FAM135B: variants seen among roughly 807,000 people sequenced by gnomAD.
FAM135B encodes the protein protein FAM135B.
A neutral mutation model predicts 127.7 loss-of-function variants in FAM135B; 43 were observed. That is an observed-to-expected ratio of 0.34 (90% CI 0.26 to 0.43). The LOEUF (loss-of-function observed/expected upper bound fraction) is 0.43, where lower values mean the gene tolerates loss of function less well. Ranked by LOEUF, FAM135B falls within the 20% of genes least tolerant of loss-of-function variation. The probability of loss-of-function intolerance (pLI) is 1.00; values close to 1 mark genes in which losing one functional copy is unlikely to be tolerated. For missense variants in FAM135B, 1,558 were observed against 1,725.6 expected (o/e 0.90, Z 1.72); for synonymous variants, 670 against 665.1 (o/e 1.01, Z -0.11).
At chr8:138,250,723 C>T (rs1427333095) in intron 6 of FAM135B, 118 bp downstream of exon 6, 19 of 1,138,382 alleles carry the variant, frequency 1.7e-5, no homozygotes, top group South Asian at 1.0e-4. Flanking sequence ...CTTAAACCTG[C>T]AGCCTTAGAG....
intron 1 of FAM135B, among the ~76,000 whole-genome samples, chr8:138,376,591 T>A (rs1387568855): frequency 6.6e-6 from 1 of 152,222 alleles, no homozygotes; most frequent in African/African-American, 2.4e-5. Context: ...CCAGGCACAA[T>A]GCTTTATCCT....
intron 7 of FAM135B, among the ~76,000 whole-genome samples, chr8:138,214,814 T>C (rs1818424683): frequency 6.6e-6 from 1 of 152,162 alleles, no homozygotes; most frequent in African/African-American, 2.4e-5. Flanking sequence ...GTCATGATGA[T>C]GCATGTAAGA....
At chr8:138,205,025 T>C (rs961950869) in intron 7 of FAM135B, among the ~76,000 whole-genome samples, 2 of 152,228 alleles carry the variant, frequency 1.3e-5, no homozygotes, top group African/African-American at 2.4e-5. Flanking sequence ...GTACTATTCT[T>C]AGTTCCTGGA....
intron 2 of FAM135B, among the ~76,000 whole-genome samples, chr8:138,314,763 T>G (rs1314865164): frequency 7.1e-6 from 1 of 141,706 alleles, no homozygotes; most frequent in Non-Finnish European, 1.6e-5. Flanking sequence ...GTCTGTAGTC[T>G]CAGTTACTTG....
chr8:138,244,901 G>A (rs1381144598), intron 6 of FAM135B, among the ~76,000 whole-genome samples: 6 of 152,168 alleles, frequency 3.9e-5, no homozygotes, highest in Non-Finnish European at 2.9e-5. Context: ...AGGGGTTTTG[G>A]AGGTTAAATG....
chr8:138,440,822 A>G (rs576771196), intron 1 of FAM135B: 2 of 152,026 alleles, frequency 1.3e-5, no homozygotes, highest in South Asian at 4.1e-4. Flanking sequence ...CATGACATGC[A>G]ACTCAAGAGG....
intron 1 of FAM135B, among the ~76,000 whole-genome samples, chr8:138,461,379 T>A (rs1028955937): frequency 6.6e-6 from 1 of 152,212 alleles, no homozygotes; most frequent in Admixed American, 6.5e-5. Context: ...TCTAAGATGT[T>A]ATGACTTTTT....
At chr8:138,140,294 C>T (rs547022488) in intron 17 of FAM135B, among the ~76,000 whole-genome samples, 8 of 152,210 alleles carry the variant, frequency 5.3e-5, no homozygotes, top group African/African-American at 1.9e-4. Flanking sequence ...GGGACAGTGG[C>T]AGAGGCCTGG....
chr8:138,232,363 G>A (rs1819966114), intron 7 of FAM135B, among the ~76,000 whole-genome samples: 1 of 152,192 alleles, frequency 6.6e-6, no homozygotes, highest in Non-Finnish European at 1.5e-5. Context: ...GGCAGACAAT[G>A]TGGAACAAGG....
intron 3 of FAM135B, among the ~76,000 whole-genome samples, chr8:138,283,386 A>G (rs1824420600): frequency 6.6e-6 from 1 of 151,756 alleles, no homozygotes; most frequent in Non-Finnish European, 1.5e-5. Flanking sequence ...TTCTAACTAT[A>G]TGACATTCTG....
chr8:138,335,904 GTC>G lies in FAM135B; in HGVS notation c.78-24986_78-24985del, dbSNP rs755226004. 2.5e-3 allele frequency among the ~76,000 whole-genome samples: 376 copies of G among 152,272 alleles called. 2 individuals carry two copies. Among genetic ancestry groups the G allele is most frequent in the Non-Finnish European group, 4.4e-3 (297 of 68,026 alleles). On this transcript the variant is annotated intron_variant, in intron 2 of 19. Transcript: ENST00000395297. The stretch of plus-strand genomic sequence containing the variant: ...GAAAGAACAGAAATTATCACAAACT[GTC>G]TCTCAGACCACAGTGCAATCAAACT...
chr8:138,369,543 T>C (rs1290267948), intron 1 of FAM135B, among the ~76,000 whole-genome samples: 1 of 152,194 alleles, frequency 6.6e-6, no homozygotes, highest in Non-Finnish European at 1.5e-5. Context: ...AACCAACCTC[T>C]ATAAATTCTG....
chr8:138,453,425 CA>C (rs397891817), intron 1 of FAM135B, among the ~76,000 whole-genome samples: 6,438 of 84,214 alleles, frequency 0.076, 367 homozygotes, highest in African/African-American at 0.21. Flanking sequence ...GTCCAAGTGA[CA>C]AAAAAAAAAA....
At position 138,241,754 on chromosome 8, in the gene FAM135B, G is replaced by A. The variant is rs116931595; in HGVS notation, c.669+1188C>T. Among the ~76,000 whole-genome samples the A allele has an allele frequency of 1.6e-4, 25 of 152,258 alleles. No individual in the cohort carries two copies. In the East Asian group the frequency reaches 4.1e-3, roughly 25 times the overall value. ...CTATTAATGTGACAGTTACTTTTAC[G>A]TGTCATCTTACTTGGGCCACAAGGT... is the stretch of plus-strand genomic sequence containing the variant. On this transcript the variant is annotated intron_variant, in intron 7 of 19. Coordinates refer to ENST00000395297, the MANE Select transcript of FAM135B (RefSeq NM_015912.4). The surrounding 1 kb of genome is among the most constrained non-coding windows in gnomAD (Gnocchi z 4.8).
At chr8:138,283,104 T>C (rs1232874134) in intron 3 of FAM135B, among the ~76,000 whole-genome samples, 2 of 152,090 alleles carry the variant, frequency 1.3e-5, no homozygotes, top group Non-Finnish European at 2.9e-5. Context: ...TTTCACCACA[T>C]TGGCCAGGAT....
At chr8:138,154,892 C>T (rs1420901902) in intron 12 of FAM135B, among the ~76,000 whole-genome samples, 2 of 152,210 alleles carry the variant, frequency 1.3e-5, no homozygotes, top group African/African-American at 2.4e-5. Flanking sequence ...TTCAGGAGAA[C>T]TTCCCCAACC....
chr8:138,138,920 T>C, intron 18 of FAM135B, 66 bp downstream of exon 18: 1 of 994,334 alleles, frequency 1.0e-6, no homozygotes, highest in South Asian at 1.3e-5. Flanking sequence ...TTATATCTCA[T>C]TTGTGTCTCA....
At chr8:138,279,578 C>A (rs1165929557) in intron 3 of FAM135B, among the ~76,000 whole-genome samples, 1 of 152,186 alleles carries the variant, frequency 6.6e-6, no homozygotes, top group East Asian at 1.9e-4. Context: ...ACTTGCAAAT[C>A]ATTTATCCTT....
At chr8:138,301,391 G>A (rs144981296) in intron 3 of FAM135B, among the ~76,000 whole-genome samples, 66 of 152,106 alleles carry the variant, frequency 4.3e-4, no homozygotes, top group Middle Eastern at 3.4e-3. Flanking sequence ...TTTAAGTAAC[G>A]CTTTAATGAC....
Sources: gnomAD v4.1 joint callset for allele counts (sites outside exome capture counted in the v4.1 genomes callset) on GRCh38, gnomAD v4.1.1 for gene constraint, Gnocchi (gnomAD v3.1) non-coding constraint, MANE v1.5 for transcripts, NCBI Gene and HGNC (gene_info 2026-07-23, HGNC 2026-07-21) for gene names.